The following CNTNAP2 variants were observed in gnomAD, a reference collection of about 807,000 sequenced individuals.
The protein encoded by CNTNAP2 is contactin associated protein 2.
Under a neutral mutation model 155.2 loss-of-function variants are expected in CNTNAP2, and 98 were observed. The observed-to-expected ratio is 0.63, with a 90% CI of 0.54 to 0.75. The LOEUF (loss-of-function observed/expected upper bound fraction) is 0.75. CNTNAP2 is among the 30% of genes least tolerant of loss of function. The pLI is 0.00. For synonymous variants in CNTNAP2, 651 were observed against 631.2 expected (o/e 1.03, Z -0.47); for missense variants, 1,727 against 1,688.1 (o/e 1.02, Z -0.40).
intron 16 of CNTNAP2, among the ~76,000 whole-genome samples, chr7:148,142,156 G>A (rs1365891174): frequency 6.7e-6 from 1 of 148,706 alleles, no homozygotes; most frequent in Non-Finnish European, 1.5e-5. Flanking sequence ...CCCAGTTGTA[G>A]AGGGAGGGGA....
intron 1 of CNTNAP2, among the ~76,000 whole-genome samples, chr7:146,677,690 ATT>A (rs71165028): frequency 6.7e-6 from 1 of 148,800 alleles, no homozygotes; most frequent in Non-Finnish European, 1.5e-5. Context: ...ATAGTTGGTG[ATT>A]TTTTTTTTTT....
intron 15 of CNTNAP2, among the ~76,000 whole-genome samples, chr7:147,980,322 T>C (rs1167223570): frequency 1.3e-5 from 2 of 152,234 alleles, no homozygotes; most frequent in Non-Finnish European, 2.9e-5. Context: ...GCATTTCTAT[T>C]CTAGGGCTGT....
At chr7:146,763,549 T>C (rs1802141588) in intron 1 of CNTNAP2, among the ~76,000 whole-genome samples, 1 of 152,190 alleles carries the variant, frequency 6.6e-6, no homozygotes, top group African/African-American at 2.4e-5. Context: ...AGGAAATGCA[T>C]ATTAACTTTG....
intron 3 of CNTNAP2, among the ~76,000 whole-genome samples, chr7:146,896,875 T>C (rs1400112847): frequency 6.6e-6 from 1 of 152,090 alleles, no homozygotes; most frequent in Non-Finnish European, 1.5e-5. Context: ...ATGATTTATT[T>C]AACTTATTAA....
chr7:148,147,291 C>A (rs1026166368), intron 16 of CNTNAP2, among the ~76,000 whole-genome samples, 200 bp from the exon 17 acceptor site: 5 of 152,078 alleles, frequency 3.3e-5, no homozygotes, highest in African/African-American at 1.2e-4. Context: ...GACACATAGA[C>A]CCCCCAAAAC....
At chr7:146,606,550 C>A (rs116727349) in intron 1 of CNTNAP2, among the ~76,000 whole-genome samples, 1 of 152,094 alleles carries the variant, frequency 6.6e-6, no homozygotes, top group Non-Finnish European at 1.5e-5. Context: ...TTAAGCCTAG[C>A]CATAAGTCTA....
intron 1 of CNTNAP2, among the ~76,000 whole-genome samples, chr7:146,267,275 G>A (rs892107521): frequency 5.9e-5 from 9 of 152,034 alleles, no homozygotes; most frequent in Middle Eastern, 3.2e-3. Flanking sequence ...ACTGTGAAGC[G>A]CTGAAACTTG....
chr7:148,363,737 T>G (rs1032101886), intron 21 of CNTNAP2, among the ~76,000 whole-genome samples: 1 of 152,142 alleles, frequency 6.6e-6, no homozygotes, highest in Non-Finnish European at 1.5e-5. Flanking sequence ...AGCCCTTCAG[T>G]CCCCCACTGC....
intron 4 of CNTNAP2, among the ~76,000 whole-genome samples, chr7:147,072,302 T>G (rs1307614888): frequency 6.6e-6 from 1 of 152,018 alleles, no homozygotes; most frequent in Non-Finnish European, 1.5e-5. Context: ...AATAGATGGC[T>G]TTTTAGGCAA....
rs372860163 is a variant in CNTNAP2 at position 147,178,049 on chromosome 7, C to T, written c.1348+45540C>T. ...GTGGAAGGCAGAATAATGCCCCATCCGCCCCCCCACCACGAAGATATCCAT... is the reference window on the plus strand; with the variant it reads ...GTGGAAGGCAGAATAATGCCCCATCTGCCCCCCCACCACGAAGATATCCAT... On this transcript the variant is annotated intron_variant, in intron 8 of 23. Coordinates refer to ENST00000361727, the MANE Select transcript of CNTNAP2 (RefSeq NM_014141.6). 5.3e-5 allele frequency among the ~76,000 whole-genome samples: 8 copies of T among 152,112 alleles called. No individual in the cohort carries two copies. The South Asian group carries it at 1.5e-3, about 28-fold the overall frequency.
At chr7:147,836,323 C>A (rs866454557) in intron 13 of CNTNAP2, among the ~76,000 whole-genome samples, 1 of 152,144 alleles carries the variant, frequency 6.6e-6, no homozygotes, top group African/African-American at 2.4e-5. Flanking sequence ...ACCTCCCCAG[C>A]CTCGTGTCCT....
chr7:147,345,403 T>C (rs1795837545), intron 9 of CNTNAP2, among the ~76,000 whole-genome samples: 1 of 152,216 alleles, frequency 6.6e-6, no homozygotes, highest in African/African-American at 2.4e-5. Context: ...TAGTCACACA[T>C]AGGTAATTAT....
intron 13 of CNTNAP2, among the ~76,000 whole-genome samples, chr7:147,671,100 G>T (rs1307584679): frequency 2.0e-5 from 3 of 152,232 alleles, no homozygotes; most frequent in African/African-American, 7.2e-5. Flanking sequence ...GTGGAGCACA[G>T]CGGATCCGAG....
intron 16 of CNTNAP2, among the ~76,000 whole-genome samples, chr7:148,125,135 G>C (rs1804687881): frequency 6.6e-6 from 1 of 152,048 alleles, no homozygotes; most frequent in Non-Finnish European, 1.5e-5. Context: ...CCTGCTATGT[G>C]TGTACCTAAA....
chr7:146,224,889 A>G (rs1341849710), intron 1 of CNTNAP2, among the ~76,000 whole-genome samples: 1 of 152,202 alleles, frequency 6.6e-6, no homozygotes, highest in Non-Finnish European at 1.5e-5. Context: ...GTTTTTCTTC[A>G]AATTGACTAG....
chr7:147,154,403 G>A (rs1165667092), intron 8 of CNTNAP2, among the ~76,000 whole-genome samples: 3 of 152,162 alleles, frequency 2.0e-5, no homozygotes, highest in East Asian at 3.9e-4. Context: ...AAATTATGGA[G>A]TGCTTTTAAT....
chr7:147,552,148 A>T (rs1467713011), intron 11 of CNTNAP2, among the ~76,000 whole-genome samples: 1 of 152,110 alleles, frequency 6.6e-6, no homozygotes, highest in African/African-American at 2.4e-5. Flanking sequence ...GTGTCCTTCT[A>T]TGGCCTTCAG....
chr7:146,390,854 G>T (rs1337409787), intron 1 of CNTNAP2, among the ~76,000 whole-genome samples: 4 of 138,640 alleles, frequency 2.9e-5, no homozygotes, highest in Non-Finnish European at 6.1e-5. Flanking sequence ...GGATCAAGGG[G>T]TCAAGAGATT....
At chr7:147,403,757 C>T (rs1202262121) in intron 10 of CNTNAP2, among the ~76,000 whole-genome samples, 1 of 152,038 alleles carries the variant, frequency 6.6e-6, no homozygotes, top group Non-Finnish European at 1.5e-5. Flanking sequence ...GTGAATTATC[C>T]CAGAACCTAC....
Sources: gnomAD v4.1 joint callset for allele counts (sites outside exome capture counted in the v4.1 genomes callset) on GRCh38, gnomAD v4.1.1 for gene constraint, MANE v1.5 for transcripts, NCBI Gene and HGNC (gene_info 2026-07-23, HGNC 2026-07-21) for gene names.